The following CADPS variants were observed in gnomAD, a reference collection of about 807,000 sequenced individuals.
CADPS encodes calcium-dependent secretion activator 1.
A neutral mutation model predicts 167.3 loss-of-function variants in CADPS; 57 were observed. That is an observed-to-expected ratio of 0.34 (90% CI 0.28 to 0.42). The LOEUF is 0.42. CADPS is among the 20% of genes least tolerant of loss of function. The pLI is 1.00. For synonymous variants in CADPS, 676 were observed against 635.3 expected (o/e 1.06, Z -0.96); for missense variants, 1,414 against 1,738.1 (o/e 0.81, Z 3.32).
chr3:62,599,523 C>CATATATATT, intron 6 of CADPS, among the ~76,000 whole-genome samples: 1 of 92,086 alleles, frequency 1.1e-5, no homozygotes, highest in East Asian at 3.1e-4. Flanking sequence ...ATATATATTA[C>CATATATATT]ATATATATTA....
chr3:62,704,927 G>A (rs1292068762), intron 3 of CADPS, among the ~76,000 whole-genome samples: 5 of 152,040 alleles, frequency 3.3e-5, no homozygotes, highest in East Asian at 3.9e-4. Context: ...GCACCATATG[G>A]GAGAATGCCC....
chr3:62,743,302 T>C (rs1377860981), intron 3 of CADPS, among the ~76,000 whole-genome samples: 1 of 152,198 alleles, frequency 6.6e-6, no homozygotes, highest in Non-Finnish European at 1.5e-5. Context: ...TGCCTGCTTT[T>C]GTAAATAAAG....
intron 3 of CADPS, among the ~76,000 whole-genome samples, chr3:62,673,816 A>T (rs1172680050): frequency 1.3e-5 from 2 of 152,204 alleles, no homozygotes; most frequent in African/African-American, 4.8e-5. Context: ...TGACATAAAC[A>T]TTATGGGAAA....
At chr3:62,549,549 A>T (rs2077009849) in intron 11 of CADPS, among the ~76,000 whole-genome samples, 1 of 151,106 alleles carries the variant, frequency 6.6e-6, no homozygotes, top group African/African-American at 2.4e-5. Context: ...CTATTTTTAA[A>T]TTACTTTTAA....
In CADPS at chr3:62,477,837, T is replaced by C. The variant is rs149271152; in HGVS notation, c.3329+424A>G. Among the ~76,000 whole-genome samples the C allele has an allele frequency of 2.1e-3, 314 of 152,322 alleles. 1 individual carries two copies. The highest frequency in any genetic ancestry group is 3.5e-3 in the Non-Finnish European group (235 of 68,032). ...CCCTATCCACATTGTTAGAAAACCA[T>C]TAGATTTCTGCTAGCCATACTGGAT... On this transcript the variant is annotated intron_variant, in intron 23 of 29. Transcript: ENST00000383710.
At chr3:62,856,420 T>G in intron 1 of CADPS, among the ~76,000 whole-genome samples, 1 of 152,178 alleles carries the variant, frequency 6.6e-6, no homozygotes, top group East Asian at 1.9e-4. Context: ...GCTTTCTTTA[T>G]GTTAATCTAC....
chr3:62,784,809 C>T (rs2092247375), intron 1 of CADPS, among the ~76,000 whole-genome samples: 1 of 149,842 alleles, frequency 6.7e-6, no homozygotes, highest in Non-Finnish European at 1.5e-5. Flanking sequence ...AAAAGATACA[C>T]AAGGGCCATA....
intron 28 of CADPS, among the ~76,000 whole-genome samples, chr3:62,424,714 C>T (rs1000925981): frequency 3.3e-5 from 5 of 152,258 alleles, no homozygotes; most frequent in Middle Eastern, 3.4e-3. Flanking sequence ...TGGGCCAAAG[C>T]GATTCATTAC....
At chr3:62,662,434 C>A in intron 3 of CADPS, 40 bp from the exon 4 acceptor site, 1 of 1,560,836 alleles carries the variant, frequency 6.4e-7, no homozygotes, top group South Asian at 1.1e-5. Context: ...TAGTTTGGGT[C>A]ACAAGTGCCA....
At chr3:62,790,862 C>T (rs1385783540) in intron 1 of CADPS, among the ~76,000 whole-genome samples, 2 of 151,824 alleles carry the variant, frequency 1.3e-5, no homozygotes, top group Non-Finnish European at 2.9e-5. Context: ...GCAGATACAC[C>T]CTCATATATT....
rs553910278 is a variant in CADPS, at chr3:62,735,257, T to C, written c.888+18184A>G. Among the ~76,000 whole-genome samples the C allele has an allele frequency of 1.9e-4, 29 of 152,256 alleles. No homozygotes were observed. The South Asian group carries it at 5.6e-3, about 29-fold the overall frequency. On this transcript the variant is annotated intron_variant, in intron 3 of 29. Coordinates refer to ENST00000383710, the MANE Select transcript of CADPS (RefSeq NM_003716.4). ...GGCAGAAAATTGCAGTTCAATATGA[T>C]GTATATAAAGATTTAAAATAGTCAA...
chr3:62,546,488 A>G (rs2076470578), intron 11 of CADPS, among the ~76,000 whole-genome samples: 2 of 152,084 alleles, frequency 1.3e-5, no homozygotes, highest in Non-Finnish European at 2.9e-5. Flanking sequence ...TTTAGTACTG[A>G]CGGTTTGAAT....
intron 1 of CADPS, among the ~76,000 whole-genome samples, chr3:62,813,859 T>G (rs528695177): frequency 6.6e-6 from 1 of 152,236 alleles, no homozygotes; most frequent in East Asian, 1.9e-4. Context: ...GAGGCTGTGC[T>G]TTATTTACTA....
At chr3:62,581,654 C>G (rs920029223) in intron 8 of CADPS, among the ~76,000 whole-genome samples, 1 of 152,006 alleles carries the variant, frequency 6.6e-6, no homozygotes, top group Non-Finnish European at 1.5e-5. Context: ...GCACTCCAGT[C>G]TGGGTCACAG....
In CADPS at chr3:62,455,523, T is replaced by G. The variant is rs1241698080; in HGVS notation, c.3637-9726A>C. Among the ~76,000 whole-genome samples the G allele has an allele frequency of 6.6e-6, 1 of 152,168 alleles. No individual in the cohort carries two copies. Among genetic ancestry groups the G allele is most frequent in the East Asian group, 1.9e-4 (1 of 5,182 alleles). ...GGGTTTGCCCTCCTAATGGCCACAT[T>G]GTATGCTTTTCCATTTTGTTGATTT... is the stretch of plus-strand genomic sequence containing the variant. On this transcript the variant is annotated intron_variant, in intron 26 of 29. Coordinates refer to ENST00000383710, the MANE Select transcript of CADPS (RefSeq NM_003716.4). The surrounding 1 kb of genome is among the most constrained non-coding windows in gnomAD (Gnocchi z 4.4).
intron 26 of CADPS, among the ~76,000 whole-genome samples, chr3:62,459,474 T>C (rs1490440546): frequency 6.6e-6 from 1 of 152,224 alleles, no homozygotes; most frequent in Non-Finnish European, 1.5e-5. Context: ...AAGGAACGTC[T>C]AGTTCCTAAA....
intron 11 of CADPS, among the ~76,000 whole-genome samples, chr3:62,537,946 C>T (rs146444493): frequency 7.9e-4 from 120 of 152,228 alleles, no homozygotes; most frequent in African/African-American, 2.8e-3. Flanking sequence ...AGCAAGTGGT[C>T]CTTGTTTGAA....
intron 8 of CADPS, among the ~76,000 whole-genome samples, chr3:62,581,869 G>GCAGATAT (rs2083495222): frequency 1.3e-5 from 2 of 152,170 alleles, no homozygotes; most frequent in Admixed American, 1.3e-4. Context: ...TCCTGAACTT[G>GCAGATAT]AAAACACCAT....
At chr3:62,758,896 T>C (rs148356755) in intron 2 of CADPS, among the ~76,000 whole-genome samples, 427 of 152,316 alleles carry the variant, frequency 2.8e-3, no homozygotes, top group Non-Finnish European at 4.9e-3. Context: ...ACTGTTCACA[T>C]TACAGATGAG....
Sources: allele counts gnomAD v4.1 joint callset (sites outside exome capture counted in the v4.1 genomes callset), GRCh38; gene constraint gnomAD v4.1.1; non-coding constraint Gnocchi (gnomAD v3.1); transcripts MANE v1.5; gene names NCBI Gene and HGNC (gene_info 2026-07-23, HGNC 2026-07-21).